TYW1: variants seen among roughly 807,000 people sequenced by gnomAD.
TYW1 encodes S-adenosyl-L-methionine-dependent tRNA 4-demethylwyosine synthase TYW1.
TYW1 carries 46 observed loss-of-function variants against 96.2 expected under a neutral mutation model. The ratio of observed to expected loss-of-function variants is 0.48; its 90% CI spans 0.38 to 0.61. The LOEUF (loss-of-function observed/expected upper bound fraction) is 0.61, where lower values mean the gene tolerates loss of function less well. TYW1 is among the 20% of genes least tolerant of loss of function. TYW1 has a pLI of 0.00. For synonymous variants in TYW1, 274 were observed against 323.0 expected (o/e 0.85, Z 1.63); for missense variants, 684 against 909.6 (o/e 0.75, Z 3.19).
At chr7:67,043,359 C>CTTT (rs35321806) in intron 7 of TYW1, among the ~76,000 whole-genome samples, 86 of 143,024 alleles carry the variant, frequency 6.0e-4, no homozygotes, top group East Asian at 1.8e-3. Flanking sequence ...CCCATTGCTA[C>CTTT]TTTTTTTTTT....
rs1563009719 is a variant in TYW1 at position 67,094,654 on chromosome 7, GTGTGTGTGT to G, written c.1385-3886_1385-3878del. Among the ~76,000 whole-genome samples, 157 of 68,094 alleles carry G rather than the reference GTGTGTGTGT, an allele frequency of 2.3e-3. 1 individual carries two copies. Among genetic ancestry groups the G allele is most frequent in the Middle Eastern group, 6.8e-3 (1 of 148 alleles). The allele number at this position is 68,094 out of a possible 152,430, so 44.7% of individuals were successfully genotyped here. On this transcript the variant is annotated intron_variant, in intron 11 of 15. Transcript: ENST00000359626. ...AGGAAGAGAGAGAGAGAATTAGAGT[GTGTGTGTGT>G]GTGTGTGTGTGTGTGTGTGTGTGTG...
chr7:67,053,624 C>T (rs1327215854), intron 8 of TYW1, among the ~76,000 whole-genome samples: 1 of 152,174 alleles, frequency 6.6e-6, no homozygotes. Flanking sequence ...AGGTGATCCA[C>T]CCGCCTTGGC....
intron 10 of TYW1, among the ~76,000 whole-genome samples, chr7:67,072,496 C>T (rs565346218): frequency 7.2e-5 from 11 of 152,262 alleles, no homozygotes; most frequent in African/African-American, 2.6e-4. Flanking sequence ...ATCTGCCCTC[C>T]TTGGCCTCCC....
intron 15 of TYW1, among the ~76,000 whole-genome samples, chr7:67,210,661 A>G (rs1800969890): frequency 6.6e-6 from 1 of 151,700 alleles, no homozygotes; most frequent in Admixed American, 6.6e-5. Flanking sequence ...CTGTGCATCC[A>G]TCCATCCGTC....
At chr7:67,033,603 A>T (rs1794736772) in intron 7 of TYW1, among the ~76,000 whole-genome samples, 1 of 152,032 alleles carries the variant, frequency 6.6e-6, no homozygotes, top group African/African-American at 2.4e-5. Context: ...AGAGAACTTA[A>T]AGTACCTTAC....
At chr7:67,200,078 G>A (rs538739241) in intron 15 of TYW1, among the ~76,000 whole-genome samples, 16 of 152,294 alleles carry the variant, frequency 1.1e-4, no homozygotes, top group African/African-American at 3.4e-4. Context: ...AGGAGCTCGC[G>A]GTTTAGTGGG....
chr7:67,055,283 C>T (rs1236548331), intron 8 of TYW1, among the ~76,000 whole-genome samples: 9 of 152,050 alleles, frequency 5.9e-5, no homozygotes, highest in East Asian at 3.9e-4. Context: ...AAAATCTCCT[C>T]GTATAATTTT....
chr7:67,014,395 T>A lies in TYW1; in HGVS notation c.404T>A (p.Leu135Gln). Residue 135 changes from leucine to glutamine, a missense_variant, in exon 5 of 16, where the codon CTG (leucine) becomes CAG (glutamine). Leu to Gln is a moderately radical substitution (Grantham distance 113). Coordinates refer to ENST00000359626, the MANE Select transcript of TYW1 (RefSeq NM_018264.4). ...ACTAGTAAAAATGTCTGTGTCTTCC[T>A]GGTTGCGACATACACTGACGGCCTA... ...EVTSKNVCVFLVATYTDGLPT... is the reference protein window; with the variant it reads ...EVTSKNVCVFQVATYTDGLPT... 2 of 1,611,486 alleles carry A rather than the reference T, an allele frequency of 1.2e-6. No homozygotes were observed.
At chr7:67,050,385 T>C (rs1443822705) in intron 8 of TYW1, among the ~76,000 whole-genome samples, 1 of 152,212 alleles carries the variant, frequency 6.6e-6, no homozygotes, top group Non-Finnish European at 1.5e-5. Context: ...TAGAAGTGTT[T>C]ATGTAGAGGT....
intron 15 of TYW1, among the ~76,000 whole-genome samples, chr7:67,196,682 A>C (rs2844055): frequency 0.28 from 41,849 of 148,866 alleles, 6,574 homozygotes; most frequent in African/African-American, 0.42. Flanking sequence ...CTTTTTTATA[A>C]TACAAGGCAT....
At chr7:67,137,372 T>C (rs1015562453) in intron 13 of TYW1, among the ~76,000 whole-genome samples, 2 of 151,840 alleles carry the variant, frequency 1.3e-5, no homozygotes, top group Admixed American at 6.6e-5. Flanking sequence ...TCTCAGCACT[T>C]TGGGAGGCCG....
intron 15 of TYW1, among the ~76,000 whole-genome samples, chr7:67,196,453 T>C (rs1800396488): frequency 6.6e-6 from 1 of 152,206 alleles, no homozygotes; most frequent in African/African-American, 2.4e-5. Context: ...TCCAGTGCCT[T>C]GTTACCTGTG....
chr7:67,111,080 A>G (rs1287894665), intron 12 of TYW1, among the ~76,000 whole-genome samples: 2 of 152,348 alleles, frequency 1.3e-5, no homozygotes, highest in East Asian at 1.9e-4. Context: ...AATGTGGCCT[A>G]TACACATGAA....
intron 9 of TYW1, among the ~76,000 whole-genome samples, chr7:67,061,087 G>T (rs1166820046): frequency 6.6e-6 from 1 of 152,162 alleles, no homozygotes; most frequent in Non-Finnish European, 1.5e-5. Context: ...AGTTAGATGG[G>T]TGTGGTGGTG....
chr7:67,123,272 C>A (rs560111426), intron 13 of TYW1, among the ~76,000 whole-genome samples: 1 of 152,196 alleles, frequency 6.6e-6, no homozygotes, highest in South Asian at 2.1e-4. Flanking sequence ...GCATAGATCC[C>A]CCAGGGCTGA....
At chr7:67,019,787 G>C (rs117712069) in intron 6 of TYW1, among the ~76,000 whole-genome samples, 1,648 of 152,108 alleles carry the variant, frequency 0.011, 1 homozygote, top group Middle Eastern at 0.017. Flanking sequence ...ATACCAAGTT[G>C]TTGGACAGAA....
intron 14 of TYW1, 26 bp from the exon 15 acceptor site, chr7:67,195,144 C>T (rs1305426109): frequency 3.1e-6 from 5 of 1,609,010 alleles, no homozygotes; most frequent in Non-Finnish European, 4.2e-6. Context: ...CTGTAGTCAT[C>T]TCTGATGGTT....
intron 11 of TYW1, among the ~76,000 whole-genome samples, chr7:67,087,547 GGTATTTATACA>G: frequency 6.6e-6 from 1 of 152,074 alleles, no homozygotes; most frequent in East Asian, 1.9e-4. Flanking sequence ...TCTTAAAAAT[GGTATTTATACA>G]GTATCTATTT....
At chr7:67,149,752 A>ATCTATCTG (rs1324651205) in intron 13 of TYW1, among the ~76,000 whole-genome samples, 3 of 84,696 alleles carry the variant, frequency 3.5e-5, no homozygotes, top group Non-Finnish European at 7.4e-5. Context: ...CTATCTATCT[A>ATCTATCTG]TCTATCTATC....
Sources: gnomAD v4.1 joint callset for allele counts (sites outside exome capture counted in the v4.1 genomes callset) on GRCh38, gnomAD v4.1.1 for gene constraint, MANE v1.5 for transcripts, NCBI Gene and HGNC (gene_info 2026-07-23, HGNC 2026-07-21) for gene names.